The following EYS variants were observed in gnomAD, a reference collection of about 807,000 sequenced individuals.
The protein encoded by EYS is protein eyes shut homolog.
EYS carries 250 observed loss-of-function variants against 282.1 expected under a neutral mutation model. The observed-to-expected ratio is 0.89, with a 90% CI of 0.80 to 0.98. The LOEUF is 0.98. Among genes scored for constraint, EYS ranks in the 50% least tolerant of loss-of-function variants. The pLI is 0.00. For missense variants in EYS, 4,016 were observed against 3,709.0 expected (o/e 1.08, Z -2.15); for synonymous variants, 1,355 against 1,282.9 (o/e 1.06, Z -1.20).
intron 29 of EYS, among the ~76,000 whole-genome samples, chr6:64,338,454 C>A (rs1770948647): frequency 6.6e-6 from 1 of 151,684 alleles, no homozygotes; most frequent in Admixed American, 6.6e-5. Flanking sequence ...AGGAAAACTA[C>A]AAAACACTAC....
intron 12 of EYS, among the ~76,000 whole-genome samples, chr6:65,088,748 G>A (rs996147073): frequency 6.6e-6 from 1 of 152,136 alleles, no homozygotes; most frequent in African/African-American, 2.4e-5. Context: ...TCCAGGGTGT[G>A]TCAGAGACCT....
chr6:64,425,538 C>A (rs1561988017), intron 28 of EYS, among the ~76,000 whole-genome samples: 1 of 151,768 alleles, frequency 6.6e-6, no homozygotes, highest in Non-Finnish European at 1.5e-5. Context: ...CCTGTAATCC[C>A]AGCTACTTGA....
At chr6:64,395,835 A>G (rs368298502) in intron 28 of EYS, among the ~76,000 whole-genome samples, 246 of 152,270 alleles carry the variant, frequency 1.6e-3, no homozygotes, top group Non-Finnish European at 2.0e-3. Flanking sequence ...CACATATTAT[A>G]AAAGACACCT....
At chr6:65,610,999 C>G (rs1053035326) in intron 2 of EYS, among the ~76,000 whole-genome samples, 18 of 152,078 alleles carry the variant, frequency 1.2e-4, no homozygotes, top group Non-Finnish European at 5.9e-5. Context: ...ATCTTTCAGG[C>G]AATGTACTCA....
intron 19 of EYS, among the ~76,000 whole-genome samples, chr6:64,860,850 C>A (rs1159548090): frequency 6.6e-6 from 1 of 152,152 alleles, no homozygotes; most frequent in African/African-American, 2.4e-5. Flanking sequence ...TCAGAGGAGA[C>A]CAACAGTGGA....
chr6:63,807,111 C>A (rs1770926649), intron 36 of EYS, among the ~76,000 whole-genome samples: 1 of 152,148 alleles, frequency 6.6e-6, no homozygotes, highest in Non-Finnish European at 1.5e-5. Context: ...TCGAACTCTT[C>A]TCTTTCATTG....
rs1562132459 is a variant in EYS at position 63,984,480 on chromosome 6, A to C, written c.6958T>G (p.Phe2320Val). 1 of 1,549,716 alleles carries C rather than the reference A, an allele frequency of 6.5e-7. No homozygotes were observed. ...CCATGTCGTGCTTCATCGATGATGA[A>C]GAATTCTTTGTTGTTTACTTGAAGG... The part of the protein sequence containing the change: ...LDLQVNNKEF[F>V]IIDEARHGKN... The change falls in exon 35 of 43, where the codon TTC becomes GTC. Residue 2320 changes from phenylalanine (F) to valine (V), a missense_variant. By Grantham distance (50) the Phe-to-Val change is conservative (BLOSUM62 -1). Coordinates refer to ENST00000503581, the MANE Select transcript of EYS (RefSeq NM_001142800.2).
intron 35 of EYS, among the ~76,000 whole-genome samples, chr6:63,940,152 C>A (rs1562106025): frequency 1.3e-5 from 2 of 151,958 alleles, no homozygotes; most frequent in Admixed American, 6.6e-5. Flanking sequence ...GTTATGGGAC[C>A]CATATGAAGT....
chr6:65,136,865 A>T (rs564355555), intron 12 of EYS, among the ~76,000 whole-genome samples: 1 of 151,916 alleles, frequency 6.6e-6, no homozygotes, highest in Non-Finnish European at 1.5e-5. Context: ...TATTTTTTGT[A>T]GAGATGAGGT....
chr6:65,636,588 G>T (rs1767098248), intron 2 of EYS, among the ~76,000 whole-genome samples: 1 of 152,194 alleles, frequency 6.6e-6, no homozygotes, highest in Middle Eastern at 3.4e-3. Context: ...CAGCAAGAAT[G>T]AGGAAAATAA....
At chr6:64,152,720 A>C (rs1485832752) in intron 31 of EYS, among the ~76,000 whole-genome samples, 1 of 152,158 alleles carries the variant, frequency 6.6e-6, no homozygotes, top group Admixed American at 6.5e-5. Flanking sequence ...CTAGAGAGTC[A>C]CCTTTCTGAG....
At chr6:64,760,155 C>A (rs1418577209) in intron 22 of EYS, among the ~76,000 whole-genome samples, 1 of 152,166 alleles carries the variant, frequency 6.6e-6, no homozygotes, top group African/African-American at 2.4e-5. Flanking sequence ...TCTGTCTTCT[C>A]ACCCCAAATA....
Position 63,727,723 on chromosome 6 carries a change from A to ATATATATAT in EYS, c.8072-1044_8072-1043insATATATATA, listed in dbSNP as rs1409002144. 9.9e-4 allele frequency among the ~76,000 whole-genome samples: 64 copies of ATATATATAT among 64,424 alleles called. 1 individual carries two copies. Among genetic ancestry groups the ATATATATAT allele is most frequent in the South Asian group, 1.5e-3 (3 of 2,028 alleles). 42.3% of individuals were successfully genotyped at this position (64,424 alleles called of 152,430 possible). A position where few individuals can be genotyped will look rare whatever the true frequency, so the allele number is the denominator to read the frequency against. ...CCATCTCTCAAAAAAAAAAAAAAAA[A>ATATATATAT]AAAAAAAAAAAAAAATATATATATA... On this transcript the variant is annotated intron_variant, in intron 41 of 42. Transcript: ENST00000503581.
chr6:64,598,256 C>T (rs937851201), intron 24 of EYS, among the ~76,000 whole-genome samples: 18 of 152,234 alleles, frequency 1.2e-4, no homozygotes, highest in Middle Eastern at 3.4e-3. Flanking sequence ...GTCAGGAGAT[C>T]GAGACCATCC....
intron 40 of EYS, among the ~76,000 whole-genome samples, chr6:63,768,989 A>G (rs1176464284): frequency 6.6e-6 from 1 of 152,154 alleles, no homozygotes; most frequent in Non-Finnish European, 1.5e-5. Context: ...CAAATACTGC[A>G]TATTCTCATT....
intron 26 of EYS, among the ~76,000 whole-genome samples, chr6:64,447,554 A>C (rs1775155311): frequency 6.6e-6 from 1 of 152,160 alleles, no homozygotes; most frequent in Admixed American, 6.5e-5. Flanking sequence ...GGTTCCCACA[A>C]ATTCATTAGT....
At position 65,331,298 on chromosome 6, in the gene EYS, A is replaced by C. The variant is rs538353903; in HGVS notation, c.1766+3682T>G. 36 of 645,958 alleles carry C rather than the reference A, an allele frequency of 5.6e-5. No homozygotes were observed. In the South Asian group the frequency reaches 2.3e-3, roughly 41 times the overall value. The allele number at this position is 645,958 out of a possible 1,614,324, so 40.0% of individuals were successfully genotyped here. Reference sequence around the variant, plus strand: ...CCATGCATTATATTTCCATTTATTCAGTGTATATATAATTTTCTCTTTTTC... The same window carrying C: ...CCATGCATTATATTTCCATTTATTCCGTGTATATATAATTTTCTCTTTTTC... On this transcript the variant is annotated intron_variant, in intron 11 of 42. Transcript: ENST00000503581.
In EYS at chr6:64,907,918, A is replaced by G. The variant is rs535023568; in HGVS notation, c.2641+4566T>C. On this transcript the variant is annotated intron_variant, in intron 16 of 42. Coordinates refer to ENST00000503581, the MANE Select transcript of EYS (RefSeq NM_001142800.2). ...ATCCCAGATCCCAGGAATTATTGCAAGGGAGTGGAAAATAAAGCAGGGAAG... is the reference window on the plus strand; with the variant it reads ...ATCCCAGATCCCAGGAATTATTGCAGGGGAGTGGAAAATAAAGCAGGGAAG... Among the ~76,000 whole-genome samples, 85 of 152,324 alleles carry G rather than the reference A, an allele frequency of 5.6e-4. 2 individuals are homozygous for G. In the Middle Eastern group the frequency reaches 0.01, roughly 18 times the overall value.
chr6:65,232,470 TATAATA>T (rs1766808427), intron 12 of EYS, among the ~76,000 whole-genome samples: 2 of 152,094 alleles, frequency 1.3e-5, no homozygotes, highest in South Asian at 4.1e-4. Context: ...TAACATGCTC[TATAATA>T]ATAAGGATAA....
Sources: gnomAD v4.1 joint callset for allele counts (sites outside exome capture counted in the v4.1 genomes callset) on GRCh38, gnomAD v4.1.1 for gene constraint, MANE v1.5 for transcripts, NCBI Gene and HGNC (gene_info 2026-07-23, HGNC 2026-07-21) for gene names.